Variants in PRDM16 observed in about 807,000 individuals in gnomAD.
PRDM16 encodes PR/SET domain 16.
A neutral mutation model predicts 110.6 loss-of-function variants in PRDM16; 23 were observed. The ratio of observed to expected loss-of-function variants is 0.21; its 90% CI spans 0.15 to 0.29. The LOEUF (loss-of-function observed/expected upper bound fraction) is 0.29. Ranked by LOEUF, PRDM16 falls within the 10% of genes least tolerant of loss-of-function variation. PRDM16 has a pLI of 1.00. For synonymous variants in PRDM16, 799 were observed against 781.8 expected (o/e 1.02, Z -0.37); for missense variants, 1,615 against 1,794.3 (o/e 0.90, Z 1.81).
At chr1:3,289,921 A>T (rs1640935357) in intron 3 of PRDM16, among the ~76,000 whole-genome samples, 1 of 144,622 alleles carries the variant, frequency 6.9e-6, no homozygotes, top group African/African-American at 2.6e-5. Context: ...GGGTGCCAGG[A>T]TCTCACTCAA....
intron 1 of PRDM16, among the ~76,000 whole-genome samples, chr1:3,072,584 C>T (rs994432014): frequency 6.6e-6 from 1 of 152,210 alleles, no homozygotes; most frequent in Non-Finnish European, 1.5e-5. Flanking sequence ...GCGGGGCTGG[C>T]GGCCCAGTTC....
chr1:3,225,530 CTGTGTGTGTGTGTGTGTG>C (rs57169358), intron 2 of PRDM16, among the ~76,000 whole-genome samples: 14 of 139,128 alleles, frequency 1.0e-4, no homozygotes, highest in African/African-American at 1.6e-4. Flanking sequence ...TGCAGCTTGC[CTGTGTGTGTGTGTGTGTG>C]TGTGTGTGTG....
At chr1:3,360,455 G>T (rs541520505) in intron 3 of PRDM16, among the ~76,000 whole-genome samples, 1 of 152,196 alleles carries the variant, frequency 6.6e-6, no homozygotes, top group African/African-American at 2.4e-5. Context: ...CCACCGACAC[G>T]TTGTCCTTAG....
Position 3,140,823 on chromosome 1 carries a change from C to T in PRDM16, c.38-45302C>T, listed in dbSNP as rs988577666. Among the ~76,000 whole-genome samples the T allele has an allele frequency of 3.3e-5, 5 of 152,370 alleles. No homozygotes were observed. The East Asian group carries it at 5.8e-4, about 18-fold the overall frequency. ...TTTCCGCATCCTGCGTTCCATGGTA[C>T]GACGGATGGGCTTCCCTCGGCAAAA... On this transcript the variant is annotated intron_variant, in intron 1 of 16. Transcript: ENST00000270722.
intron 14 of PRDM16, among the ~76,000 whole-genome samples, chr1:3,429,605 C>T (rs1638710658): frequency 6.6e-6 from 1 of 152,224 alleles, no homozygotes; most frequent in Non-Finnish European, 1.5e-5. Context: ...GGCACCTCAC[C>T]AACAACCAGG....
In PRDM16 at chr1:3,119,116, G is replaced by T. The variant is rs78012032; in HGVS notation, c.37+49820G>T. 3.1e-3 allele frequency among the ~76,000 whole-genome samples: 470 copies of T among 152,332 alleles called. 3 individuals carry two copies. The highest frequency in any genetic ancestry group is 0.01 in the African/African-American group (429 of 41,580). On this transcript the variant is annotated intron_variant, in intron 1 of 16. Transcript: ENST00000270722. Reference sequence around the variant, plus strand: ...CTCCTTCAGGCCAAGGGCCTTTTTGGTGGGACTGGCTGGCCTAGTGACTTC... The same window carrying T: ...CTCCTTCAGGCCAAGGGCCTTTTTGTTGGGACTGGCTGGCCTAGTGACTTC...
intron 1 of PRDM16, among the ~76,000 whole-genome samples, chr1:3,079,921 T>C (rs1370527893): frequency 2.0e-5 from 3 of 152,206 alleles, no homozygotes; most frequent in Non-Finnish European, 4.4e-5. Context: ...AAAGAGCCAC[T>C]TGCCTTGGCT....
At chr1:3,072,955 T>C (rs1227575277) in intron 1 of PRDM16, among the ~76,000 whole-genome samples, 1 of 152,246 alleles carries the variant, frequency 6.6e-6, no homozygotes, top group African/African-American at 2.4e-5. Flanking sequence ...CCAAGCTGGC[T>C]TGTGGAGCAA....
chr1:3,420,022 G>A (rs1638384602), intron 12 of PRDM16, among the ~76,000 whole-genome samples: 1 of 152,054 alleles, frequency 6.6e-6, no homozygotes, highest in Non-Finnish European at 1.5e-5. Flanking sequence ...AAAATGAGCT[G>A]TGTGTTTTTT....
chr1:3,129,879 C>G (rs1643298081), intron 1 of PRDM16, among the ~76,000 whole-genome samples: 1 of 152,196 alleles, frequency 6.6e-6, no homozygotes, highest in East Asian at 1.9e-4. Context: ...CTCTCAGTCT[C>G]TCTCTCTCCT....
chr1:3,423,772 C>G (rs1638507703), intron 12 of PRDM16, among the ~76,000 whole-genome samples: 1 of 152,240 alleles, frequency 6.6e-6, no homozygotes, highest in South Asian at 2.1e-4. Context: ...CTGGCCTGGT[C>G]TCCAGCTGCT....
In PRDM16 at chr1:3,290,435, A is replaced by G. The variant is rs1335913678; in HGVS notation, c.438+46298A>G. On this transcript the variant is annotated intron_variant, in intron 3 of 16. Transcript: ENST00000270722. The surrounding 1 kb of genome is among the most constrained non-coding windows in gnomAD (Gnocchi z 4.8). ...GTTCCCCAAAGAGCCTGCTGCCTCC[A>G]CCTGCTGTGTTCGAAGCGGTGATTT... Among the ~76,000 whole-genome samples, 1 of 152,174 alleles carries G rather than the reference A, an allele frequency of 6.6e-6. No homozygotes were observed. The highest frequency in any genetic ancestry group is 1.5e-5 in the Non-Finnish European group (1 of 68,008).
At chr1:3,226,064 T>G (rs1639282722) in intron 2 of PRDM16, among the ~76,000 whole-genome samples, 2 of 152,166 alleles carry the variant, frequency 1.3e-5, no homozygotes, top group African/African-American at 4.8e-5. Flanking sequence ...CAGGCAGCCC[T>G]CCCAGGACCC....
intron 1 of PRDM16, among the ~76,000 whole-genome samples, chr1:3,131,906 T>G (rs545646524): frequency 6.6e-6 from 1 of 152,356 alleles, no homozygotes; most frequent in East Asian, 1.9e-4. Context: ...TAGATAAGCC[T>G]GTTAAATTAG....
intron 2 of PRDM16, among the ~76,000 whole-genome samples, chr1:3,240,486 G>A (rs545236617): frequency 1.5e-3 from 233 of 152,096 alleles, no homozygotes; most frequent in Non-Finnish European, 2.5e-3. Context: ...TGCTCTCAAT[G>A]CCAAGAGCAA....
At chr1:3,253,506 A>T (rs1219355856) in intron 3 of PRDM16, among the ~76,000 whole-genome samples, 2 of 151,256 alleles carry the variant, frequency 1.3e-5, no homozygotes, top group South Asian at 4.2e-4. Context: ...ATGATTTCCA[A>T]TTTCATCCAT....
intron 12 of PRDM16, among the ~76,000 whole-genome samples, chr1:3,424,563 C>G (rs1311663871): frequency 6.6e-6 from 1 of 152,258 alleles, no homozygotes; most frequent in East Asian, 1.9e-4. Flanking sequence ...CGGCAGCAGC[C>G]CTGCCCACCC....
intron 3 of PRDM16, among the ~76,000 whole-genome samples, chr1:3,338,055 TCACA>T (rs1257416868): frequency 6.6e-6 from 1 of 152,094 alleles, no homozygotes. Context: ...GCACACACAT[TCACA>T]CAGACACGTG....
chr1:3,218,658 T>C lies in PRDM16; in HGVS notation c.388-25429T>C, dbSNP rs79935645. Among the ~76,000 whole-genome samples the C allele has an allele frequency of 9.5e-3, 1,449 of 152,338 alleles. 6 individuals are homozygous for C. Among genetic ancestry groups the C allele is most frequent in the Non-Finnish European group, 0.013 (916 of 68,028 alleles). ...TTTCTTTGTTCCAATTAGCAGAAGA[T>C]GCTTCCTCCCCTTATCCACACTGGC... is the stretch of plus-strand genomic sequence containing the variant. On this transcript the variant is annotated intron_variant, in intron 2 of 16. Coordinates refer to ENST00000270722, the MANE Select transcript of PRDM16 (RefSeq NM_022114.4).
Sources: allele counts gnomAD v4.1 joint callset (sites outside exome capture counted in the v4.1 genomes callset), GRCh38; gene constraint gnomAD v4.1.1; non-coding constraint Gnocchi (gnomAD v3.1); transcripts MANE v1.5; gene names NCBI Gene and HGNC (gene_info 2026-07-23, HGNC 2026-07-21).